Variants in SETBP1 observed in about 807,000 individuals in gnomAD.
The protein encoded by SETBP1 is SET-binding protein.
SETBP1 carries 9 observed loss-of-function variants against 101.0 expected under a neutral mutation model. The ratio of observed to expected loss-of-function variants is 0.09; its 90% CI spans 0.05 to 0.16. The LOEUF is 0.16. Ranked by LOEUF, SETBP1 falls within the 10% of genes least tolerant of loss-of-function variation. The pLI is 1.00. For synonymous variants in SETBP1, 818 were observed against 788.5 expected (o/e 1.04, Z -0.63); for missense variants, 1,858 against 2,033.8 (o/e 0.91, Z 1.66).
At chr18:44,706,583 C>G (rs917104479) in intron 2 of SETBP1, among the ~76,000 whole-genome samples, 72 of 54,516 alleles carry the variant, frequency 1.3e-3, no homozygotes, top group African/African-American at 4.9e-3. Flanking sequence ...CAGAATGAGA[C>G]TCAATCTCAA....
rs142712720 is a variant in SETBP1 at position 44,725,403 on chromosome 18, G to T, written c.486+23571G>T. Reference sequence around the variant, plus strand: ...GGAATTGTGTAGCAAAACTGGGTTGGGGGGTGTGTGTGGAGGGGCAGAGTC... The same window carrying T: ...GGAATTGTGTAGCAAAACTGGGTTGTGGGGTGTGTGTGGAGGGGCAGAGTC... On this transcript the variant is annotated intron_variant, in intron 2 of 5. Coordinates refer to ENST00000649279, the MANE Select transcript of SETBP1 (RefSeq NM_015559.3). 2.6e-5 allele frequency among the ~76,000 whole-genome samples: 4 copies of T among 152,234 alleles called. No individual in the cohort carries two copies. In the East Asian group the frequency reaches 5.8e-4, roughly 22 times the overall value.
At chr18:44,965,313 A>ACACACACACACACACG (rs1555636740) in intron 4 of SETBP1, among the ~76,000 whole-genome samples, 109 of 151,826 alleles carry the variant, frequency 7.2e-4, no homozygotes, top group African/African-American at 2.5e-3. Flanking sequence ...ACACACACAC[A>ACACACACACACACACG]GATCACTCAG....
intron 5 of SETBP1, among the ~76,000 whole-genome samples, chr18:45,039,172 A>G (rs911825168): frequency 2.6e-5 from 4 of 152,180 alleles, no homozygotes; most frequent in Non-Finnish European, 4.4e-5. Flanking sequence ...TCACTGATTT[A>G]TTGATGCATC....
intron 2 of SETBP1, among the ~76,000 whole-genome samples, chr18:44,785,543 T>C (rs541312083): frequency 1.3e-5 from 2 of 152,254 alleles, no homozygotes; most frequent in Non-Finnish European, 2.9e-5. Flanking sequence ...GGAAGCTTTC[T>C]CTGGATACAA....
At chr18:44,728,000 CCT>C (rs747523400) in intron 2 of SETBP1, among the ~76,000 whole-genome samples, 15 of 152,126 alleles carry the variant, frequency 9.9e-5, no homozygotes, top group Non-Finnish European at 1.8e-4. Flanking sequence ...CCATTTATCC[CCT>C]GTTTGCTCTA....
chr18:44,911,999 T>C (rs192348798), intron 3 of SETBP1, among the ~76,000 whole-genome samples: 1 of 152,150 alleles, frequency 6.6e-6, no homozygotes, highest in African/African-American at 2.4e-5. Context: ...AATTAATATA[T>C]AACAGATATA....
intron 4 of SETBP1, among the ~76,000 whole-genome samples, chr18:44,975,433 A>G (rs1473205364): frequency 3.9e-5 from 6 of 152,176 alleles, no homozygotes; most frequent in Admixed American, 2.6e-4. Context: ...TAGCAATTCC[A>G]TCATTTAATA....
chr18:44,833,620 G>A (rs2072426437), intron 2 of SETBP1, among the ~76,000 whole-genome samples: 1 of 152,224 alleles, frequency 6.6e-6, no homozygotes, highest in African/African-American at 2.4e-5. Flanking sequence ...CCTTCGAGGA[G>A]AGAGCTAGAA....
chr18:44,875,711 G>T (rs1599261115), intron 3 of SETBP1, among the ~76,000 whole-genome samples: 1 of 152,022 alleles, frequency 6.6e-6, no homozygotes, highest in Admixed American at 6.6e-5. Flanking sequence ...TGAATTTTAC[G>T]TGTATTTTGT....
intron 2 of SETBP1, among the ~76,000 whole-genome samples, chr18:44,851,493 C>G (rs977017789): frequency 1.3e-5 from 2 of 152,192 alleles, no homozygotes; most frequent in Admixed American, 1.3e-4. Context: ...GCTCTTCTGG[C>G]CACCTTTGCA....
intron 2 of SETBP1, among the ~76,000 whole-genome samples, chr18:44,703,930 C>T (rs1298678477): frequency 6.6e-6 from 1 of 152,070 alleles, no homozygotes. Flanking sequence ...TTGAGTTGGC[C>T]AGTTCTTTGT....
intron 4 of SETBP1, among the ~76,000 whole-genome samples, chr18:45,017,380 C>T (rs2072970030): frequency 6.6e-6 from 1 of 152,156 alleles, no homozygotes; most frequent in South Asian, 2.1e-4. Flanking sequence ...CTTGGGTGGC[C>T]CCAGCCTCTT....
intron 2 of SETBP1, among the ~76,000 whole-genome samples, chr18:44,768,638 G>T (rs2144622881): frequency 6.6e-6 from 1 of 152,148 alleles, no homozygotes; most frequent in African/African-American, 2.4e-5. Flanking sequence ...CTTCTAAAAG[G>T]ATTTGAGCTT....
chr18:44,898,029 T>C (rs1247510374), intron 3 of SETBP1, among the ~76,000 whole-genome samples: 1 of 152,182 alleles, frequency 6.6e-6, no homozygotes, highest in East Asian at 1.9e-4. Context: ...ATTGTTGTGA[T>C]AGTGCCCAGA....
intron 2 of SETBP1, among the ~76,000 whole-genome samples, chr18:44,706,565 T>C (rs1445718485): frequency 8.2e-6 from 1 of 121,820 alleles, no homozygotes; most frequent in Non-Finnish European, 1.6e-5. Context: ...TCCAGCCTTT[T>C]TGGGTGACAG....
intron 4 of SETBP1, among the ~76,000 whole-genome samples, chr18:44,992,895 G>C (rs537724551): frequency 6.6e-6 from 1 of 151,970 alleles, no homozygotes; most frequent in East Asian, 1.9e-4. Context: ...TATAAAGATA[G>C]ATATAAAAAT....
At chr18:44,965,429 G>T (rs1250204665) in intron 4 of SETBP1, among the ~76,000 whole-genome samples, 2 of 152,030 alleles carry the variant, frequency 1.3e-5, no homozygotes, top group Non-Finnish European at 2.9e-5. Context: ...TATCACCAGA[G>T]AATTCCTTAT....
chr18:44,701,513 A>C lies in SETBP1; in HGVS notation c.167A>C (p.Glu56Ala). ...ATCCCGGTGGGCGGAGAGCGCATGGAGCCAGAGGAGGAGGATGAACTAGGC... is the reference window on the plus strand; with the variant it reads ...ATCCCGGTGGGCGGAGAGCGCATGGCGCCAGAGGAGGAGGATGAACTAGGC... ...KGIPVGGERM[E>A]PEEEDELGSG... is the part of the protein sequence containing the mutation. The change falls in exon 2 of 6, where the codon GAG (glutamate) becomes GCG (alanine). Residue 56 changes from glutamate to alanine, a missense_variant. This residue lies in a region of SETBP1 where 97 missense variants were observed against 101.2 expected (regional missense o/e 0.96). Transcript: ENST00000649279. 6.2e-7 allele frequency: 1 copy of C among 1,614,042 alleles called. No homozygotes were observed. The highest frequency in any genetic ancestry group is 8.5e-7 in the Non-Finnish European group (1 of 1,179,920).
chr18:45,027,397 G>A (rs2073188927), intron 4 of SETBP1, among the ~76,000 whole-genome samples: 1 of 152,188 alleles, frequency 6.6e-6, no homozygotes, highest in South Asian at 2.1e-4. Context: ...TCATGGGGAA[G>A]AGCTTGCAAT....
Sources: gnomAD v4.1 joint callset for allele counts (sites outside exome capture counted in the v4.1 genomes callset) on GRCh38, gnomAD v4.1.1 for gene constraint, gnomAD v4.1.1 regional missense constraint, MANE v1.5 for transcripts, NCBI Gene and HGNC (gene_info 2026-07-23, HGNC 2026-07-21) for gene names.